Variants in B3GALNT2 observed in about 807,000 individuals in gnomAD.
B3GALNT2 encodes UDP-GalNAc:beta-1,3-N-acetylgalactosaminyltransferase 2.
A neutral mutation model predicts 61.1 loss-of-function variants in B3GALNT2; 53 were observed. That is an observed-to-expected ratio of 0.87 (90% confidence interval 0.70 to 1.09). The LOEUF (loss-of-function observed/expected upper bound fraction) is 1.09. Ranked by LOEUF, B3GALNT2 falls within the 50% of genes least tolerant of loss-of-function variation. B3GALNT2 has a pLI of 0.00. For missense variants in B3GALNT2, 544 were observed against 623.0 expected (o/e 0.87, Z 1.35); for synonymous variants, 223 against 237.4 (o/e 0.94, Z 0.56).
intron 1 of B3GALNT2, among the ~76,000 whole-genome samples, chr1:235,499,110 A>G (rs1305756194): frequency 6.6e-6 from 1 of 152,218 alleles, no homozygotes; most frequent in Non-Finnish European, 1.5e-5. Context: ...TAAATAAATT[A>G]TGGTGTAGCT....
At chr1:235,462,473 A>G (rs1421616833) in intron 7 of B3GALNT2, among the ~76,000 whole-genome samples, 3 of 152,246 alleles carry the variant, frequency 2.0e-5, no homozygotes, top group Admixed American at 2.0e-4. Context: ...CATAAGGTCT[A>G]ACTTTAAAAT....
At chr1:235,497,936 C>T (rs753511957) in intron 1 of B3GALNT2, among the ~76,000 whole-genome samples, 6 of 152,176 alleles carry the variant, frequency 3.9e-5, no homozygotes, top group African/African-American at 7.2e-5. Context: ...ACTCTCAATC[C>T]CCCCTGCTTC....
At chr1:235,453,894 GCTTTTC>G (rs1344086663) in intron 10 of B3GALNT2, among the ~76,000 whole-genome samples, 2 of 152,200 alleles carry the variant, frequency 1.3e-5, no homozygotes, top group Non-Finnish European at 2.9e-5. Context: ...AGAATAACGT[GCTTTTC>G]CCCAAGGTAA....
chr1:235,454,021 T>C, intron 10 of B3GALNT2, 135 bp downstream of exon 10: 2 of 718,920 alleles, frequency 2.8e-6, no homozygotes, highest in Middle Eastern at 4.2e-4. Context: ...TTTTTTATTA[T>C]AGAGATGGGG....
At chr1:235,485,086 T>C (rs550278537) in intron 3 of B3GALNT2, among the ~76,000 whole-genome samples, 2 of 152,330 alleles carry the variant, frequency 1.3e-5, no homozygotes, top group East Asian at 3.9e-4. Flanking sequence ...TTTTGAACCA[T>C]CTTCTATGTA....
At chr1:235,458,579 C>T (rs1364112088) in intron 8 of B3GALNT2, 24 bp downstream of exon 8, 2 of 1,553,398 alleles carry the variant, frequency 1.3e-6, no homozygotes, top group South Asian at 1.3e-5. Context: ...CAAGTTCTAG[C>T]TACCCAACAT....
intron 7 of B3GALNT2, among the ~76,000 whole-genome samples, chr1:235,460,724 T>C (rs1008844884): frequency 6.6e-6 from 1 of 151,816 alleles, no homozygotes; most frequent in Non-Finnish European, 1.5e-5. Context: ...CCGGCACCTG[T>C]CACCATACCC....
chr1:235,496,334 C>A, intron 1 of B3GALNT2: 3 of 1,019,660 alleles, frequency 2.9e-6, no homozygotes, highest in South Asian at 1.9e-5. Flanking sequence ...AAGTTCCATT[C>A]CAAATGGAAT....
At chr1:235,471,865 G>A (rs1038977288) in intron 5 of B3GALNT2, among the ~76,000 whole-genome samples, 6 of 152,048 alleles carry the variant, frequency 3.9e-5, no homozygotes, top group Non-Finnish European at 5.9e-5. Flanking sequence ...GTTTCGCCAT[G>A]TTGGCCAGGC....
intron 5 of B3GALNT2, among the ~76,000 whole-genome samples, chr1:235,476,865 A>T (rs1684309166): frequency 6.6e-6 from 1 of 151,094 alleles, no homozygotes; most frequent in African/African-American, 2.4e-5. Flanking sequence ...AAAAAAAAAG[A>T]TATAAAAAAT....
At chr1:235,453,424 A>C (rs912727987) in intron 10 of B3GALNT2, among the ~76,000 whole-genome samples, 3 of 151,846 alleles carry the variant, frequency 2.0e-5, no homozygotes, top group African/African-American at 4.8e-5. Context: ...CTTCCTCCTT[A>C]GGAATAAAAA....
At chr1:235,474,978 TA>T (rs1558425428) in intron 5 of B3GALNT2, among the ~76,000 whole-genome samples, 93 of 32,000 alleles carry the variant, frequency 2.9e-3, no homozygotes, top group Admixed American at 9.0e-3. Context: ...TATATATATA[TA>T]TATATATATT....
intron 7 of B3GALNT2, among the ~76,000 whole-genome samples, chr1:235,459,438 T>C (rs1311883435): frequency 1.3e-5 from 2 of 152,066 alleles, no homozygotes; most frequent in African/African-American, 2.4e-5. Context: ...CTCTAGGTTA[T>C]ATAGGGAGAC....
rs778135230 is a variant in B3GALNT2 at position 235,450,271 on chromosome 1, C to T, written c.1438G>A (p.Glu480Lys). ...MLSSPQYSPW[E>K]LTELWKLKER... ...TTCAGTTTCCACAGTTCCGTCAGTT[C>T]CCACGGAGAATACTGAGGAGAAGAC... The change falls in exon 12 of 12, where the codon GAA (glutamate) becomes AAA (lysine). Residue 480 changes from glutamate to lysine, a missense_variant. Glu to Lys is a moderately conservative substitution (Grantham distance 56). Coordinates refer to ENST00000366600, the MANE Select transcript of B3GALNT2 (RefSeq NM_152490.5). 1 of 1,614,004 alleles carries T rather than the reference C, an allele frequency of 6.2e-7. No individual in the cohort carries two copies. Among genetic ancestry groups the T allele is most frequent in the Admixed American group, 1.7e-5 (1 of 60,008 alleles).
In B3GALNT2 at chr1:235,449,286, T is replaced by C. The variant is rs932224571; in HGVS notation, c.*920A>G. 2 of 165,208 alleles carry C rather than the reference T, an allele frequency of 1.2e-5. No homozygotes were observed. Among genetic ancestry groups the C allele is most frequent in the African/African-American group, 2.4e-5 (1 of 41,434 alleles). 10.2% of individuals were successfully genotyped at this position (165,208 alleles called of 1,614,324 possible). A position where few individuals can be genotyped will look rare whatever the true frequency, so the allele number is the denominator to read the frequency against. On this transcript the variant is annotated 3_prime_UTR_variant, in exon 12 of 12. Coordinates refer to ENST00000366600, the MANE Select transcript of B3GALNT2 (RefSeq NM_152490.5). ...AGTACTTAAATTAATCACATGCTTTTCCCTACAATTATACCTAAGCTGAGT... is the reference window on the plus strand; with the variant it reads ...AGTACTTAAATTAATCACATGCTTTCCCCTACAATTATACCTAAGCTGAGT...
intron 7 of B3GALNT2, among the ~76,000 whole-genome samples, chr1:235,461,481 A>G (rs1198342921): frequency 6.8e-6 from 1 of 146,322 alleles, no homozygotes; most frequent in East Asian, 2.0e-4. Context: ...CCAGCCTTTG[A>G]GAAACACAGG....
downstream of B3GALNT2, chr1:235,443,114 C>T (rs1473866551): frequency 3.4e-6 from 2 of 593,456 alleles, no homozygotes; most frequent in Non-Finnish European, 6.0e-6. Context: ...TCTCCCCTAA[C>T]TTTATCAGCT....
At chr1:235,467,222 G>A (rs1683738091) in intron 6 of B3GALNT2, among the ~76,000 whole-genome samples, 1 of 151,996 alleles carries the variant, frequency 6.6e-6, no homozygotes, top group South Asian at 2.1e-4. Flanking sequence ...GGTGGTGTGT[G>A]CCTATAATCC....
intron 6 of B3GALNT2, among the ~76,000 whole-genome samples, chr1:235,466,753 A>G (rs899725711): frequency 6.6e-6 from 1 of 152,214 alleles, no homozygotes; most frequent in Non-Finnish European, 1.5e-5. Flanking sequence ...TTAAAGAGTT[A>G]TCTCTCTTCA....
Sources: allele counts gnomAD v4.1 joint callset (sites outside exome capture counted in the v4.1 genomes callset), GRCh38; gene constraint gnomAD v4.1.1; transcripts MANE v1.5; gene names NCBI Gene and HGNC (gene_info 2026-07-23, HGNC 2026-07-21).